Variants in PDLIM5 observed in about 807,000 individuals in gnomAD.
PDLIM5 encodes PDZ and LIM domain 5, also known as PDZ and LIM domain protein 5.
A neutral mutation model predicts 64.2 loss-of-function variants in PDLIM5; 34 were observed. That is an observed-to-expected ratio of 0.53 (90% CI 0.40 to 0.71). PDLIM5 has a LOEUF of 0.71. PDLIM5 is among the 30% of genes least tolerant of loss of function. The pLI is 0.00. For missense variants in PDLIM5, 683 were observed against 733.6 expected (o/e 0.93, Z 0.80); for synonymous variants, 253 against 269.1 (o/e 0.94, Z 0.59).
chr4:94,600,457 C>T lies in PDLIM5; in HGVS notation c.920+14013C>T, dbSNP rs530234406. 7.8e-4 allele frequency among the ~76,000 whole-genome samples: 118 copies of T among 152,226 alleles called. 1 individual carries two copies. The highest frequency in any genetic ancestry group is 2.8e-3 in the African/African-American group (115 of 41,544). ...GGCTGTTCAGTGGGACACATTCAGA[C>T]GTATTCTTTTATATTTTCAAACAGG... On this transcript the variant is annotated intron_variant, in intron 7 of 12. Coordinates refer to ENST00000317968, the MANE Select transcript of PDLIM5 (RefSeq NM_006457.5).
chr4:94,615,253 A>T (rs1252320184), intron 7 of PDLIM5, among the ~76,000 whole-genome samples: 1 of 152,208 alleles, frequency 6.6e-6, no homozygotes, highest in Non-Finnish European at 1.5e-5. Context: ...GACAAGATGC[A>T]TAAAGAAGTG....
intron 2 of PDLIM5, among the ~76,000 whole-genome samples, chr4:94,485,652 T>C (rs1422606451): frequency 6.6e-6 from 1 of 150,936 alleles, no homozygotes; most frequent in Admixed American, 6.6e-5. Context: ...GCCAATATGG[T>C]GAAACCCTGT....
At chr4:94,564,656 CTTTTTTTTTT>C (rs768721210) in intron 3 of PDLIM5, among the ~76,000 whole-genome samples, 2 of 104,542 alleles carry the variant, frequency 1.9e-5, no homozygotes, top group Non-Finnish European at 3.6e-5. Context: ...AATTTTGTCT[CTTTTTTTTTT>C]TTTTTTTTTG....
At chr4:94,499,795 C>G (rs181217237) in intron 2 of PDLIM5, among the ~76,000 whole-genome samples, 3 of 152,272 alleles carry the variant, frequency 2.0e-5, no homozygotes, top group Admixed American at 2.0e-4. Flanking sequence ...GATTCTCAGA[C>G]CAGCAGTGGC....
rs573875735 is a variant in PDLIM5, at chr4:94,462,366, CT to C, written c.96+6992del. Among the ~76,000 whole-genome samples, 1,342 of 148,174 alleles carry C rather than the reference CT, an allele frequency of 9.1e-3. 9 individuals are homozygous for C. The highest frequency in any genetic ancestry group is 0.015 in the Non-Finnish European group (1,016 of 66,916). The stretch of plus-strand genomic sequence containing the variant: ...ACAAATAGTATGCTTAATAGAAATA[CT>C]TTTTTTTTTGGCATTTTGTTCACTT... On this transcript the variant is annotated intron_variant, in intron 2 of 12. Transcript: ENST00000317968.
At chr4:94,592,932 C>T (rs1387521997) in intron 7 of PDLIM5, among the ~76,000 whole-genome samples, 1 of 152,120 alleles carries the variant, frequency 6.6e-6, no homozygotes, top group Admixed American at 6.6e-5. Context: ...TATTCCTTCC[C>T]ACAATCATAC....
chr4:94,549,255 AGG>A (rs1732589357), intron 3 of PDLIM5, among the ~76,000 whole-genome samples: 1 of 152,184 alleles, frequency 6.6e-6, no homozygotes, highest in Non-Finnish European at 1.5e-5. Context: ...TATGGAGTAC[AGG>A]GTTAGTTGCT....
chr4:94,582,550 G>T, intron 5 of PDLIM5: 1 of 542,316 alleles, frequency 1.8e-6, no homozygotes, highest in Non-Finnish European at 3.3e-6. Context: ...TTTGAAGCAT[G>T]ATGTTTGTGT....
At chr4:94,585,761 A>G (rs767047845) in intron 6 of PDLIM5, 24 bp downstream of exon 6, 2 of 1,586,644 alleles carry the variant, frequency 1.3e-6, no homozygotes, top group Non-Finnish European at 1.7e-6. Flanking sequence ...TAGGTATCCT[A>G]ATGGATGAAT....
rs757404337 is a variant in PDLIM5 at position 94,466,713 on chromosome 4, A to AT, written c.96+11334dup. ...TTCTCTAACTGCCAGCCTCTTCCTG[A>AT]TTTTTCAGAGTTCAGTCACCATAGG... On this transcript the variant is annotated intron_variant, in intron 2 of 12. Transcript: ENST00000317968. 2.2e-3 allele frequency among the ~76,000 whole-genome samples: 328 copies of AT among 152,308 alleles called. 1 individual carries two copies. Among genetic ancestry groups the AT allele is most frequent in the Non-Finnish European group, 4.0e-3 (272 of 68,018 alleles).
chr4:94,520,450 AG>A (rs1387996858), intron 2 of PDLIM5, among the ~76,000 whole-genome samples: 1 of 152,248 alleles, frequency 6.6e-6, no homozygotes, highest in Non-Finnish European at 1.5e-5. Context: ...CCTGAAAAAC[AG>A]TGAAACAAAC....
At position 94,626,514 on chromosome 4, in the gene PDLIM5, A is replaced by G. The variant is rs947265167; in HGVS notation, c.1108+8323A>G. ...AGTGAACGTATTTAAGGAGGACTGTATCTGTTAGGGATGGGATAGAAAGGA... is the reference window on the plus strand; with the variant it reads ...AGTGAACGTATTTAAGGAGGACTGTGTCTGTTAGGGATGGGATAGAAAGGA... On this transcript the variant is annotated intron_variant, in intron 8 of 12. Transcript: ENST00000317968. Among the ~76,000 whole-genome samples the G allele has an allele frequency of 2.4e-4, 36 of 152,160 alleles. 1 individual carries two copies. Among genetic ancestry groups the G allele is most frequent in the African/African-American group, 8.4e-4 (35 of 41,440 alleles).
At chr4:94,474,690 T>A (rs1212372753) in intron 2 of PDLIM5, among the ~76,000 whole-genome samples, 1 of 152,208 alleles carries the variant, frequency 6.6e-6, no homozygotes, top group Non-Finnish European at 1.5e-5. Context: ...GACAGGGTCT[T>A]GCTCTGGCAC....
At chr4:94,552,298 T>TA (rs1578359833) in intron 3 of PDLIM5, among the ~76,000 whole-genome samples, 2 of 152,254 alleles carry the variant, frequency 1.3e-5, no homozygotes, top group East Asian at 3.9e-4. Flanking sequence ...TAGTATAATT[T>TA]AAAAATATCT....
At chr4:94,549,443 A>G (rs1289474363) in intron 3 of PDLIM5, among the ~76,000 whole-genome samples, 1 of 152,204 alleles carries the variant, frequency 6.6e-6, no homozygotes, top group East Asian at 1.9e-4. Context: ...CTATAAATTT[A>G]TCCCATAGAT....
chr4:94,513,297 A>G (rs889128793), intron 2 of PDLIM5, among the ~76,000 whole-genome samples: 2 of 152,160 alleles, frequency 1.3e-5, no homozygotes, highest in African/African-American at 2.4e-5. Flanking sequence ...TAGAGATTCC[A>G]TTGAATTTAT....
Position 94,657,464 on chromosome 4 carries a change from C to T in PDLIM5, c.1502C>T (p.Ser501Phe), listed in dbSNP as rs767819077. 3.7e-5 allele frequency: 60 copies of T among 1,606,072 alleles called. No homozygotes were observed. Among genetic ancestry groups the T allele is most frequent in the Non-Finnish European group, 4.4e-5 (52 of 1,172,958 alleles). Residue 501 changes from serine to phenylalanine, a missense_variant, in exon 11 of 13, where the codon TCC becomes TTC. Ser to Phe is a radical substitution (Grantham distance 155). Coordinates refer to ENST00000317968, the MANE Select transcript of PDLIM5 (RefSeq NM_006457.5). ...GCGTTGAAACAAACTTGGCATGTTT[C>T]CTGTTTTGTGTGTGTAGCCTGTGGA... ...ISALKQTWHV[S>F]CFVCVACGKP...
chr4:94,665,975 G>C lies in PDLIM5; in HGVS notation c.*1908G>C, dbSNP rs924380657. 2.0e-6 allele frequency: 3 copies of C among 1,531,710 alleles called. No homozygotes were observed. In the African/African-American group the frequency reaches 4.1e-5, roughly 21 times the overall value. The allele number at this position is 1,531,710 out of a possible 1,614,324, so 94.9% of individuals were successfully genotyped here. A position where few individuals can be genotyped will look rare whatever the true frequency, so the allele number is the denominator to read the frequency against. The stretch of plus-strand genomic sequence containing the variant: ...TGTGGATCCTGTTGCTATTTGCCCA[G>C]TGAGAAAACAGATTCTGGTATTTGA... On this transcript the variant is annotated 3_prime_UTR_variant, in exon 13 of 13. Transcript: ENST00000317968.
At chr4:94,460,634 A>G (rs1435222568) in intron 2 of PDLIM5, among the ~76,000 whole-genome samples, 5 of 140,006 alleles carry the variant, frequency 3.6e-5, no homozygotes, top group African/African-American at 1.5e-4. Context: ...AAAAAAAAAG[A>G]AAAAAAAAAA....
Sources: gnomAD v4.1 joint callset for allele counts (sites outside exome capture counted in the v4.1 genomes callset) on GRCh38, gnomAD v4.1.1 for gene constraint, MANE v1.5 for transcripts, NCBI Gene and HGNC (gene_info 2026-07-23, HGNC 2026-07-21) for gene names.